SPPL2A: variants seen among roughly 807,000 people sequenced by gnomAD.
SPPL2A encodes the protein signal peptide peptidase-like 2A.
SPPL2A carries 51 observed loss-of-function variants against 63.8 expected under a neutral mutation model. The observed-to-expected ratio is 0.80, with a 90% CI of 0.64 to 1.01. The LOEUF (loss-of-function observed/expected upper bound fraction) is 1.01. Ranked by LOEUF, SPPL2A falls within the 50% of genes least tolerant of loss-of-function variation. SPPL2A has a pLI of 0.00. For missense variants in SPPL2A, 553 were observed against 622.7 expected (o/e 0.89, Z 1.19); for synonymous variants, 188 against 205.8 (o/e 0.91, Z 0.74).
At chr15:50,735,979 A>C in intron 8 of SPPL2A, 122 bp downstream of exon 8, 1 of 605,356 alleles carries the variant, frequency 1.7e-6, no homozygotes, top group Non-Finnish European at 2.9e-6. Context: ...GAAGTAGTTC[A>C]TTACAAGACT....
At chr15:50,726,222 A>T (rs918135198) in intron 11 of SPPL2A, 99 bp downstream of exon 11, 39 of 1,463,024 alleles carry the variant, frequency 2.7e-5, no homozygotes, top group Admixed American at 5.5e-5. Flanking sequence ...ATACCTTAAC[A>T]TGCACTATGT....
chr15:50,722,095 A>T, intron 13 of SPPL2A, 29 bp downstream of exon 13: 1 of 1,186,814 alleles, frequency 8.4e-7, no homozygotes, highest in Non-Finnish European at 1.3e-6. Flanking sequence ...ACAATTCAAC[A>T]TTTAATACAA....
At chr15:50,714,924 T>TA (rs1567149253) in intron 14 of SPPL2A, among the ~76,000 whole-genome samples, 1 of 151,960 alleles carries the variant, frequency 6.6e-6, no homozygotes, top group Admixed American at 6.6e-5. Context: ...GCCTGGGTGA[T>TA]AGAGCAAATT....
At chr15:50,765,416 C>T (rs2063050694) in intron 1 of SPPL2A, 52 bp downstream of exon 1, 2 of 1,425,142 alleles carry the variant, frequency 1.4e-6, no homozygotes, top group Admixed American at 2.4e-5. Flanking sequence ...CCGGCCTTGG[C>T]CCCGGCCCCG....
At position 50,736,694 on chromosome 15, in the gene SPPL2A, CAG is replaced by C; in HGVS notation, c.778_779del (p.Leu260ValfsTer10). On this transcript the variant is annotated frameshift_variant, in exon 7 of 15. Transcript: ENST00000261854. LOFTEE classifies it high-confidence loss of function. ...AIFCIASAMSLYNCLAALIHK... is the reference protein window; with the variant it reads ...AIFCIASAMSXYNCLAALIHK... ...GAATTAGTGCAGCAAGACAGTTGTA[CAG>C]ACTCATTGCTGATGCTATGCAGAAA... 1 of 1,610,324 alleles carries C rather than the reference CAG, an allele frequency of 6.2e-7. No homozygotes were observed.
At chr15:50,710,482 A>G (rs548110319) in intron 14 of SPPL2A, among the ~76,000 whole-genome samples, 2 of 152,222 alleles carry the variant, frequency 1.3e-5, no homozygotes, top group Non-Finnish European at 2.9e-5. Flanking sequence ...ACAGAAACAT[A>G]AAGAACAAAG....
chr15:50,726,686 G>T (rs1267593641), intron 10 of SPPL2A, among the ~76,000 whole-genome samples: 1 of 152,180 alleles, frequency 6.6e-6, no homozygotes, highest in Non-Finnish European at 1.5e-5. Flanking sequence ...TCTGACATTT[G>T]TAATGGGTTA....
intron 4 of SPPL2A, chr15:50,747,851 T>C: frequency 2.1e-6 from 1 of 474,252 alleles, no homozygotes; most frequent in Non-Finnish European, 3.7e-6. Flanking sequence ...AATCATATTT[T>C]GTTCAGGAAC....
chr15:50,711,279 G>C (rs954677712), intron 14 of SPPL2A, among the ~76,000 whole-genome samples: 1 of 147,584 alleles, frequency 6.8e-6, no homozygotes, highest in African/African-American at 2.5e-5. Flanking sequence ...GCGCGATCTC[G>C]GCTCACTGCA....
intron 5 of SPPL2A, among the ~76,000 whole-genome samples, chr15:50,741,165 T>G (rs1239668207): frequency 2.0e-5 from 3 of 152,166 alleles, no homozygotes; most frequent in Admixed American, 6.5e-5. Flanking sequence ...ACCTTACTAC[T>G]GTCTCCTCCT....
intron 14 of SPPL2A, among the ~76,000 whole-genome samples, chr15:50,711,272 C>T (rs570034891): frequency 2.7e-5 from 4 of 147,250 alleles, no homozygotes; most frequent in Admixed American, 6.9e-5. Flanking sequence ...TGCAATGGCG[C>T]GATCTCGGCT....
At chr15:50,742,108 C>T (rs2062825911) in intron 5 of SPPL2A, among the ~76,000 whole-genome samples, 1 of 151,998 alleles carries the variant, frequency 6.6e-6, no homozygotes, top group African/African-American at 2.4e-5. Flanking sequence ...GACCAGTGAC[C>T]TTATTATAAA....
intron 7 of SPPL2A, 70 bp downstream of exon 7, chr15:50,736,574 T>C: frequency 2.3e-6 from 2 of 884,114 alleles, no homozygotes; most frequent in Non-Finnish European, 3.6e-6. Context: ...TTTCAAATAA[T>C]ACTCCTACTT....
At chr15:50,709,576 G>C (rs1327522931) in intron 14 of SPPL2A, among the ~76,000 whole-genome samples, 1 of 152,120 alleles carries the variant, frequency 6.6e-6, no homozygotes, top group African/African-American at 2.4e-5. Context: ...TGGATCACGA[G>C]GTCAGGAGTT....
rs768206623 is a variant in SPPL2A, at chr15:50,720,013, G to A, written c.1415C>T (p.Thr472Ile). The change falls in exon 14 of 15, where the codon ACA (threonine) becomes ATA (isoleucine). Residue 472 changes from threonine (T) to isoleucine (I), a missense_variant. Physicochemically the swap from Thr to Ile is moderately conservative, Grantham distance 89. Transcript: ENST00000261854. ...QPALLYLVPC[T>I]LITASVVAWR... is the part of the protein sequence containing the mutation. ...GGCAACAACTGAGGCAGTAATAAGT[G>A]TGCAAGGTACTAAATAGAGGAGAGC... 6.2e-7 allele frequency: 1 copy of A among 1,613,664 alleles called. No homozygotes were observed. The highest frequency in any genetic ancestry group is 8.5e-7 in the Non-Finnish European group (1 of 1,179,644).
Position 50,703,516 on chromosome 15 carries a change from C to G in SPPL2A, c.*4284G>C, listed in dbSNP as rs1284238780. ...TAGCTGGGGTTACAGGCGAGCCCCACCACACCCAGCTAATTTTTGTATTTT... is the reference window on the plus strand; with the variant it reads ...TAGCTGGGGTTACAGGCGAGCCCCAGCACACCCAGCTAATTTTTGTATTTT... On this transcript the variant is annotated 3_prime_UTR_variant, in exon 15 of 15. Coordinates refer to ENST00000261854, the MANE Select transcript of SPPL2A (RefSeq NM_032802.4). The G allele has an allele frequency of 6.6e-6, 1 of 151,032 alleles. No individual in the cohort carries two copies. Among genetic ancestry groups the G allele is most frequent in the Non-Finnish European group, 1.5e-5 (1 of 67,852 alleles). The allele number at this position is 151,032 out of a possible 1,614,324, so 9.4% of individuals were successfully genotyped here.
chr15:50,720,519 T>TTC, intron 13 of SPPL2A, among the ~76,000 whole-genome samples: 1 of 146,758 alleles, frequency 6.8e-6, no homozygotes, highest in East Asian at 2.0e-4. Flanking sequence ...GAACTTTTCT[T>TTC]TTTTTTTTTT....
chr15:50,711,758 A>G (rs1480156035), intron 14 of SPPL2A, among the ~76,000 whole-genome samples: 1 of 152,122 alleles, frequency 6.6e-6, no homozygotes, highest in Non-Finnish European at 1.5e-5. Flanking sequence ...ACTCAACTCT[A>G]TTATCAGGCA....
chr15:50,765,329 A>AGGATGAGTAATGGAAAGAGTAAT, intron 1 of SPPL2A, 139 bp downstream of exon 1: 1 of 536,754 alleles, frequency 1.9e-6, no homozygotes, highest in Non-Finnish European at 3.2e-6. Context: ...AGAGGAGGGG[A>AGGATGAGTAATGGAAAGAGTAAT]GGAAAGAGGA....
Sources: gnomAD v4.1 joint callset for allele counts (sites outside exome capture counted in the v4.1 genomes callset) on GRCh38, gnomAD v4.1.1 for gene constraint, MANE v1.5 for transcripts, NCBI Gene and HGNC (gene_info 2026-07-23, HGNC 2026-07-21) for gene names.